COL4A5: variants seen among roughly 807,000 people sequenced by gnomAD.
COL4A5 encodes the protein collagen alpha-5(IV) chain.
Under a neutral mutation model 130.2 loss-of-function variants are expected in COL4A5, and 26 were observed. The ratio of observed to expected loss-of-function variants is 0.20; its 90% CI spans 0.15 to 0.28. The LOEUF (loss-of-function observed/expected upper bound fraction) is 0.28, where lower values mean the gene tolerates loss of function less well. COL4A5 is among the 10% of genes least tolerant of loss of function. The pLI is 1.00. For missense variants in COL4A5, 1,131 were observed against 1,344.3 expected (o/e 0.84, Z 2.48); for synonymous variants, 496 against 439.6 (o/e 1.13, Z -1.60).
At chrX:108,544,866 A>T (rs1001113363) in intron 2 of COL4A5, among the ~76,000 whole-genome samples, 88 of 111,422 alleles carry the variant, frequency 7.9e-4, no homozygotes, top group African/African-American at 2.8e-3. Flanking sequence ...GAGTTTATCC[A>T]TTTCTTCTAG....
At position 108,535,462 on chromosome X, in the gene COL4A5, G is replaced by A. The variant is rs1197180842; in HGVS notation, c.82-4284G>A. Among the ~76,000 whole-genome samples the A allele has an allele frequency of 2.7e-5, 3 of 111,081 alleles. No individual in the cohort carries two copies. In the Admixed American group the frequency reaches 2.9e-4, roughly 11 times the overall value. ...TATGAAGGCATGTTTTTTCTACGTAGAGTCAGTATGTATTTTTGCCCAGCC... is the reference window on the plus strand; with the variant it reads ...TATGAAGGCATGTTTTTTCTACGTAAAGTCAGTATGTATTTTTGCCCAGCC... On this transcript the variant is annotated intron_variant, in intron 1 of 52. Coordinates refer to ENST00000328300, the MANE Select transcript of COL4A5 (RefSeq NM_033380.3).
At chrX:108,624,437 G>A in intron 34 of COL4A5, 103 bp downstream of exon 34, 1 of 719,077 alleles carries the variant, frequency 1.4e-6, no homozygotes, top group Non-Finnish European at 2.1e-6. Context: ...ATTTGATCAT[G>A]GTAATAAGCT....
chrX:108,681,901 A>T lies in COL4A5; in HGVS notation c.4216+13A>T, dbSNP rs1215728986. On this transcript the variant is annotated intron_variant, in intron 47 of 52. Coordinates refer to ENST00000328300, the MANE Select transcript of COL4A5 (RefSeq NM_033380.3). ...CAAGGCTTACCAGGTACCAATGCAG[A>T]TCATCTTTATTATCATTATTATACT... The T allele has an allele frequency of 8.4e-7, 1 of 1,194,655 alleles. No homozygotes were observed. Among genetic ancestry groups the T allele is most frequent in the Non-Finnish European group, 1.1e-6 (1 of 881,709 alleles).
intron 39 of COL4A5, 104 bp from the exon 40 acceptor site, chrX:108,667,029 G>T: frequency 1.5e-6 from 1 of 672,504 alleles, no homozygotes; most frequent in Non-Finnish European, 2.5e-6. Flanking sequence ...AATATACATT[G>T]CTGCACCTAA....
chrX:108,669,348 A>G (rs2068151166), intron 41 of COL4A5, among the ~76,000 whole-genome samples: 1 of 112,353 alleles, frequency 8.9e-6, no homozygotes. Flanking sequence ...CTGACATTAT[A>G]TAAGTGCATT....
intron 41 of COL4A5, 98 bp downstream of exon 41, chrX:108,668,602 G>A (rs779128314): frequency 2.9e-5 from 19 of 655,936 alleles, no homozygotes; most frequent in Middle Eastern, 5.7e-4. Context: ...GAATTTTTCC[G>A]GTGCATTGGA....
At chrX:108,660,244 A>G (rs1020093302) in intron 37 of COL4A5, among the ~76,000 whole-genome samples, 25 of 111,919 alleles carry the variant, frequency 2.2e-4, no homozygotes, top group Middle Eastern at 4.6e-3. Context: ...ATTAATTGCT[A>G]TTACTATTGC....
intron 25 of COL4A5, 108 bp from the exon 26 acceptor site, chrX:108,601,285 T>G (rs756941324): frequency 1.5e-5 from 8 of 530,693 alleles, no homozygotes; most frequent in African/African-American, 1.4e-4. Flanking sequence ...TTTGTTAGTT[T>G]ACATTTTCAA....
At chrX:108,514,507 A>G (rs182246939) in intron 1 of COL4A5, among the ~76,000 whole-genome samples, 43 of 112,131 alleles carry the variant, frequency 3.8e-4, no homozygotes, top group Middle Eastern at 4.6e-3. Context: ...TTACACTGGC[A>G]TAGTTGCTAG....
At chrX:108,626,974 A>G (rs1011177400) in intron 36 of COL4A5, 1 of 744,630 alleles carries the variant, frequency 1.3e-6, no homozygotes, top group Non-Finnish European at 1.6e-6. Flanking sequence ...AGTATTAGAA[A>G]AGGAATTTTG....
chrX:108,606,918 A>T, intron 29 of COL4A5, 26 bp downstream of exon 29: 1 of 1,206,507 alleles, frequency 8.3e-7, no homozygotes, highest in Non-Finnish European at 1.1e-6. Context: ...CTGCATCTCA[A>T]CTTGCTTTTA....
chrX:108,668,509 G>A lies in COL4A5; in HGVS notation c.3790+5G>A, dbSNP rs749626719. 28 of 1,153,498 alleles carry A rather than the reference G, an allele frequency of 2.4e-5. No individual in the cohort carries two copies. The highest frequency in any genetic ancestry group is 3.1e-5 in the Non-Finnish European group (27 of 866,743). The stretch of plus-strand genomic sequence containing the variant: ...AAGGTCCTCCTGGGAGACCAGGTAT[G>A]TCCGTGAGTGGTAGGAGAATGGTCT... On this transcript the variant is annotated splice_donor_5th_base_variant and intron_variant, in intron 41 of 52. Coordinates refer to ENST00000328300, the MANE Select transcript of COL4A5 (RefSeq NM_033380.3).
rs763321914 is a variant in COL4A5, at chrX:108,502,644, A to T, written c.82-37102A>T. Among the ~76,000 whole-genome samples the T allele has an allele frequency of 6.3e-5, 7 of 111,533 alleles. No homozygotes were observed. In the East Asian group the frequency reaches 1.7e-3, roughly 27 times the overall value. On this transcript the variant is annotated intron_variant, in intron 1 of 52. Transcript: ENST00000328300. ...CCTGAAATTTAAAACATTTTTTTTC[A>T]TTTAAAAATAAAGACAGGCTTAGAA...
chrX:108,628,850 G>C (rs1229643966), intron 36 of COL4A5, among the ~76,000 whole-genome samples: 2 of 111,745 alleles, frequency 1.8e-5, no homozygotes, highest in Non-Finnish European at 3.8e-5. Flanking sequence ...TGGAGATACA[G>C]CCTGAACAAA....
intron 1 of COL4A5, among the ~76,000 whole-genome samples, chrX:108,464,142 C>A (rs1243692225): frequency 1.8e-5 from 2 of 111,519 alleles, no homozygotes. Context: ...TGTCCTCTTC[C>A]AATATAATTT....
intron 1 of COL4A5, among the ~76,000 whole-genome samples, chrX:108,480,974 G>A (rs1341021269): frequency 8.9e-6 from 1 of 111,802 alleles, no homozygotes; most frequent in Non-Finnish European, 1.9e-5. Context: ...TTCCACCATA[G>A]TAGCCCTCAC....
chrX:108,584,757 T>C (rs1038457691), intron 18 of COL4A5, among the ~76,000 whole-genome samples: 2 of 110,131 alleles, frequency 1.8e-5, no homozygotes, highest in African/African-American at 3.3e-5. Flanking sequence ...TCTAAAATTA[T>C]GGCATTGGGT....
rs2064944610 is a variant in COL4A5 at position 108,486,319 on chromosome X, T to C, written c.81+46113T>C. 2.7e-5 allele frequency among the ~76,000 whole-genome samples: 3 copies of C among 111,661 alleles called. No homozygotes were observed. In the South Asian group the frequency reaches 1.1e-3, roughly 43 times the overall value. Reference sequence around the variant, plus strand: ...AGGTTTTTTTTATGAAGATGGTTTTTTGTGTAGATAATTGTTAAATTTGGT... The same window carrying C: ...AGGTTTTTTTTATGAAGATGGTTTTCTGTGTAGATAATTGTTAAATTTGGT... On this transcript the variant is annotated intron_variant, in intron 1 of 52. Transcript: ENST00000328300.
chrX:108,606,630 A>T (rs770235394), intron 28 of COL4A5, 112 bp from the exon 29 acceptor site: 1 of 835,452 alleles, frequency 1.2e-6, no homozygotes, highest in African/African-American at 2.0e-5. Context: ...CTCTCCCCCC[A>T]TGGAAGGAAA....
Sources: allele counts gnomAD v4.1 joint callset (sites outside exome capture counted in the v4.1 genomes callset), GRCh38; gene constraint gnomAD v4.1.1; transcripts MANE v1.5; gene names NCBI Gene and HGNC (gene_info 2026-07-23, HGNC 2026-07-21).